TBC1D32: variants seen among roughly 807,000 people sequenced by gnomAD.
TBC1D32 encodes TBC1 domain family member 32, also known as protein broad-minded.
Under a neutral mutation model 170.3 loss-of-function variants are expected in TBC1D32, and 151 were observed. The ratio of observed to expected loss-of-function variants is 0.89; its 90% CI spans 0.78 to 1.01. The LOEUF (loss-of-function observed/expected upper bound fraction) is 1.01. Among genes scored for constraint, TBC1D32 ranks in the 50% least tolerant of loss-of-function variants. The probability of loss-of-function intolerance (pLI) is 0.00; values close to 1 mark genes in which losing one functional copy is unlikely to be tolerated. For missense variants in TBC1D32, 1,464 were observed against 1,457.1 expected (o/e 1.00, Z -0.08); for synonymous variants, 498 against 488.0 (o/e 1.02, Z -0.27).
At position 121,091,025 on chromosome 6, in the gene TBC1D32, AT is replaced by A; in HGVS notation, c.3481del (p.Ile1161Ter). ...FAPSQICLQW[I>X]TQCFWNYLDW... ...TAAGTAATTCCAAAAACACTGGGTT[AT>A]CCATTGCAGGCAAATCTTTAAAAAA... is the stretch of plus-strand genomic sequence containing the variant. On this transcript the variant is annotated frameshift_variant, in exon 31 of 32. Transcript: ENST00000398212. LOFTEE classifies it high-confidence loss of function. 1 of 1,594,266 alleles carries A rather than the reference AT, an allele frequency of 6.3e-7. No individual in the cohort carries two copies. The highest frequency in any genetic ancestry group is 1.4e-5 in the African/African-American group (1 of 72,090).
In TBC1D32 at chr6:121,115,243, TA is replaced by T; in HGVS notation, c.2984-3del. On this transcript the variant is annotated splice_polypyrimidine_tract_variant and splice_region_variant and intron_variant, in intron 26 of 31. Coordinates refer to ENST00000398212, the MANE Select transcript of TBC1D32 (RefSeq NM_152730.6). ...CATTCTTCACATTTGCATCAGTAGC[TA>T]AAGACAACAGAAAACTGAGTTATAA... 1 of 1,589,832 alleles carries T rather than the reference TA, an allele frequency of 6.3e-7. No homozygotes were observed. Among genetic ancestry groups the T allele is most frequent in the Non-Finnish European group, 8.6e-7 (1 of 1,166,190 alleles).
At chr6:121,112,801 T>C in intron 28 of TBC1D32, 142 bp from the exon 29 acceptor site, 1 of 821,252 alleles carries the variant, frequency 1.2e-6, no homozygotes, top group South Asian at 2.7e-5. Flanking sequence ...TAAATATTCT[T>C]AGACATGTCT....
intron 22 of TBC1D32, chr6:121,192,250 A>G (rs1790178859): frequency 6.6e-6 from 1 of 151,896 alleles, no homozygotes; most frequent in Non-Finnish European, 1.5e-5. Context: ...TCTACTTGTA[A>G]TAGTATGGAG....
intron 15 of TBC1D32, among the ~76,000 whole-genome samples, chr6:121,264,871 T>G (rs1237232114): frequency 6.6e-6 from 1 of 152,200 alleles, no homozygotes; most frequent in African/African-American, 2.4e-5. Context: ...CATCCCTTCA[T>G]GCTAAAAACT....
At position 121,317,623 on chromosome 6, in the gene TBC1D32, C is replaced by A; in HGVS notation, c.367G>T (p.Glu123Ter). Reference protein sequence around the residue: ...YLKNIMIAVVESMINKFEEDE... With the variant: ...YLKNIMIAVV Reference sequence around the variant, plus strand: ...TCTTCAAACTTGTTAATCATAGACTCGACCACAGCTATCATAATGTTCTTC... The same window carrying A: ...TCTTCAAACTTGTTAATCATAGACTAGACCACAGCTATCATAATGTTCTTC... Residue 123 changes from glutamate to a stop codon, truncating the protein, a stop_gained, in exon 3 of 32, where the codon GAG (glutamate) becomes TAG (stop). Coordinates refer to ENST00000398212, the MANE Select transcript of TBC1D32 (RefSeq NM_152730.6). LOFTEE classifies it high-confidence loss of function. 6.2e-7 allele frequency: 1 copy of A among 1,611,708 alleles called. No homozygotes were observed. The highest frequency in any genetic ancestry group is 8.5e-7 in the Non-Finnish European group (1 of 1,178,876).
At chr6:121,297,453 A>G (rs983449858) in intron 10 of TBC1D32, among the ~76,000 whole-genome samples, 1 of 152,156 alleles carries the variant, frequency 6.6e-6, no homozygotes, top group Admixed American at 6.6e-5. Context: ...AGCAGTAAAA[A>G]TGGCACTACA....
At chr6:121,259,803 G>T (rs752893035) in intron 15 of TBC1D32, among the ~76,000 whole-genome samples, 2 of 152,144 alleles carry the variant, frequency 1.3e-5, no homozygotes, top group African/African-American at 2.4e-5. Context: ...GGGTAAAAGT[G>T]AAATTGAAAA....
intron 3 of TBC1D32, among the ~76,000 whole-genome samples, chr6:121,311,709 G>C (rs1808230810): frequency 6.9e-6 from 1 of 144,938 alleles, no homozygotes; most frequent in Admixed American, 7.0e-5. Flanking sequence ...CCTGGCAACT[G>C]AGTGAGACTC....
At chr6:121,080,970 A>G (rs1276597191) in intron 31 of TBC1D32, 80 bp from the exon 32 acceptor site, 18 of 1,521,226 alleles carry the variant, frequency 1.2e-5, no homozygotes, top group Non-Finnish European at 1.3e-5. Flanking sequence ...AATAATTGAT[A>G]TACCATTTAT....
chr6:121,169,054 T>C (rs1786563505), intron 22 of TBC1D32, among the ~76,000 whole-genome samples: 1 of 78,002 alleles, frequency 1.3e-5, no homozygotes, highest in Non-Finnish European at 4.3e-5. Context: ...CTTTACAGAA[T>C]CAGAAAAAAA....
chr6:121,092,549 T>C (rs1347503397), intron 30 of TBC1D32, among the ~76,000 whole-genome samples: 3 of 152,064 alleles, frequency 2.0e-5, no homozygotes, highest in Non-Finnish European at 2.9e-5. Flanking sequence ...CGTATTAGTT[T>C]GCTAGAACCA....
At chr6:121,135,553 G>T (rs574237973) in intron 24 of TBC1D32, among the ~76,000 whole-genome samples, 1 of 152,150 alleles carries the variant, frequency 6.6e-6, no homozygotes, top group East Asian at 1.9e-4. Flanking sequence ...AAGGAGACAG[G>T]TGTCAGATTT....
chr6:121,318,416 A>G (rs1351528721), intron 2 of TBC1D32, among the ~76,000 whole-genome samples: 2 of 152,132 alleles, frequency 1.3e-5, no homozygotes, highest in African/African-American at 4.8e-5. Flanking sequence ...AACTAAGAAT[A>G]GAATTTTAGA....
intron 12 of TBC1D32, among the ~76,000 whole-genome samples, chr6:121,291,109 C>A (rs1009685603): frequency 6.6e-6 from 1 of 151,822 alleles, no homozygotes; most frequent in Non-Finnish European, 1.5e-5. Context: ...TGTAACTAAC[C>A]TGCACGTTGT....
intron 8 of TBC1D32, 107 bp from the exon 9 acceptor site, chr6:121,303,868 T>C: frequency 1.3e-6 from 1 of 764,138 alleles, no homozygotes; most frequent in East Asian, 3.1e-5. Flanking sequence ...ACATTTTTTC[T>C]ATTTCAGTAA....
chr6:121,182,140 G>C (rs1008234047), intron 22 of TBC1D32, among the ~76,000 whole-genome samples: 1 of 151,908 alleles, frequency 6.6e-6, no homozygotes, highest in Admixed American at 6.6e-5. Flanking sequence ...CATCATAAAA[G>C]TCAAAATAAT....
chr6:121,328,421 G>A (rs1051649998), intron 1 of TBC1D32, among the ~76,000 whole-genome samples: 8 of 151,538 alleles, frequency 5.3e-5, no homozygotes, highest in African/African-American at 1.7e-4. Flanking sequence ...GAGTAGCGAC[G>A]ACTACAGATG....
chr6:121,133,514 G>A (rs1439503772), intron 24 of TBC1D32, among the ~76,000 whole-genome samples: 5 of 151,952 alleles, frequency 3.3e-5, no homozygotes, highest in Non-Finnish European at 7.4e-5. Flanking sequence ...TGTCATTCCT[G>A]TGATGTAAAA....
chr6:121,175,238 A>AAT (rs1166668552), intron 22 of TBC1D32, among the ~76,000 whole-genome samples: 1 of 152,138 alleles, frequency 6.6e-6, no homozygotes, highest in Non-Finnish European at 1.5e-5. Flanking sequence ...AGATAATGAA[A>AAT]ATGACTGTCA....
Sources: gnomAD v4.1 joint callset for allele counts (sites outside exome capture counted in the v4.1 genomes callset) on GRCh38, gnomAD v4.1.1 for gene constraint, MANE v1.5 for transcripts, NCBI Gene and HGNC (gene_info 2026-07-23, HGNC 2026-07-21) for gene names.